Variants in PHC1 observed in about 807,000 individuals in gnomAD.
PHC1 encodes polyhomeotic-like protein 1.
A neutral mutation model predicts 104.3 loss-of-function variants in PHC1; 12 were observed. The ratio of observed to expected loss-of-function variants is 0.12; its 90% CI spans 0.07 to 0.19. The LOEUF is 0.19. Ranked by LOEUF, PHC1 falls within the 10% of genes least tolerant of loss-of-function variation. The pLI, the probability that PHC1 is intolerant of heterozygous loss-of-function variation, is 1.00. For missense variants in PHC1, 671 were observed against 1,200.0 expected (o/e 0.56, Z 6.51); for synonymous variants, 302 against 455.8 (o/e 0.66, Z 4.30).
At chr12:8,931,670 A>T (rs2137109165) in intron 7 of PHC1, among the ~76,000 whole-genome samples, 1 of 152,340 alleles carries the variant, frequency 6.6e-6, no homozygotes, top group South Asian at 2.1e-4. Flanking sequence ...ACTGCACTCC[A>T]GCCTGGGTGA....
At chr12:8,938,126 T>C (rs888129651) in intron 14 of PHC1, 66 bp downstream of exon 14, 1 of 1,066,080 alleles carries the variant, frequency 9.4e-7, no homozygotes, top group African/African-American at 1.6e-5. Context: ...GGGGCCTTGA[T>C]AAGAGGGAAA....
chr12:8,918,723 G>A (rs753561343), intron 2 of PHC1, among the ~76,000 whole-genome samples: 5 of 152,140 alleles, frequency 3.3e-5, no homozygotes, highest in African/African-American at 9.6e-5. Flanking sequence ...GCTCCCAATT[G>A]GAGAAACAAG....
chr12:8,931,334 C>G (rs1001765663), intron 7 of PHC1, among the ~76,000 whole-genome samples: 1 of 152,208 alleles, frequency 6.6e-6, no homozygotes, highest in Non-Finnish European at 1.5e-5. Context: ...GGGATGAATT[C>G]TCACCTCACT....
intron 8 of PHC1, 199 bp downstream of exon 8, chr12:8,933,549 C>G: frequency 1.3e-6 from 1 of 788,214 alleles, no homozygotes; most frequent in Non-Finnish European, 1.9e-6. Flanking sequence ...TGATACTATT[C>G]TGGGTTTTTG....
At position 8,932,110 on chromosome 12, in the gene PHC1, T is replaced by C. The variant is rs187224340; in HGVS notation, c.1106-453T>C. On this transcript the variant is annotated intron_variant, in intron 7 of 14. Coordinates refer to ENST00000544916, the MANE Select transcript of PHC1 (RefSeq NM_004426.3). ...TCTTTAACTCTGTGGGTATCTCTTC[T>C]TTCAGTGAATATTAAGTGCTTCTGC... is the stretch of plus-strand genomic sequence containing the variant. Among the ~76,000 whole-genome samples, 3 of 152,342 alleles carry C rather than the reference T, an allele frequency of 2.0e-5. No homozygotes were observed. The East Asian group carries it at 5.8e-4, about 29-fold the overall frequency.
intron 7 of PHC1, 150 bp from the exon 8 acceptor site, chr12:8,932,413 T>C (rs1945711945): frequency 1.4e-6 from 1 of 723,536 alleles, no homozygotes. Context: ...GACGAAGTGA[T>C]GTCCAAGTTT....
rs757767092 is a variant in PHC1, at chr12:8,939,783, C to T, written c.*324C>T. ...CCTTATCCTGGAGTGGAGCATTTAG[C>T]CCAGGTCTTAATTCTCCAAGAGGAG... On this transcript the variant is annotated 3_prime_UTR_variant, in exon 15 of 15. Transcript: ENST00000544916. 16 of 486,792 alleles carry T rather than the reference C, an allele frequency of 3.3e-5. No individual in the cohort carries two copies. Among genetic ancestry groups the T allele is most frequent in the African/African-American group, 3.1e-4 (16 of 51,900 alleles). 30.2% of individuals were successfully genotyped at this position (486,792 alleles called of 1,614,324 possible).
At chr12:8,925,661 G>A (rs1326951642) in intron 6 of PHC1, among the ~76,000 whole-genome samples, 1 of 152,162 alleles carries the variant, frequency 6.6e-6, no homozygotes, top group Non-Finnish European at 1.5e-5. Context: ...TATTCTTGGA[G>A]TTTGGCATAG....
At chr12:8,935,697 T>A (rs151196877) in intron 11 of PHC1, among the ~76,000 whole-genome samples, 120 of 152,270 alleles carry the variant, frequency 7.9e-4, no homozygotes, top group Admixed American at 2.1e-3. Flanking sequence ...GTATGTAGAA[T>A]CACGGAAAAG....
Position 8,932,586 on chromosome 12 carries a change from C to T in PHC1, c.1129C>T (p.His377Tyr). ...AGCCACCTACACACAGATCCAGCCC[C>T]ATTCACTGATTCAGCAACAGCAACA... ...SSATYTQIQPHSLIQQQQQIH... is the reference protein window; with the variant it reads ...SSATYTQIQPYSLIQQQQQIH... The change falls in exon 8 of 15, where the codon CAT (histidine) becomes TAT (tyrosine). Residue 377 changes from histidine to tyrosine, a missense_variant. His to Tyr is a moderately conservative substitution (Grantham distance 83). This residue lies in a region of PHC1 where 78 missense variants were observed against 140.8 expected (regional missense o/e 0.55). Coordinates refer to ENST00000544916, the MANE Select transcript of PHC1 (RefSeq NM_004426.3). 2 of 1,614,022 alleles carry T rather than the reference C, an allele frequency of 1.2e-6. No individual in the cohort carries two copies. The highest frequency in any genetic ancestry group is 1.7e-6 in the Non-Finnish European group (2 of 1,179,894).
Position 8,919,723 on chromosome 12 carries a change from C to A in PHC1, c.115-33C>A. 1.9e-6 allele frequency: 3 copies of A among 1,589,696 alleles called. No homozygotes were observed. In the South Asian group the frequency reaches 3.4e-5, roughly 18 times the overall value. ...ACATAGAATAGGAGCTAGGAGTGGT[C>A]CATTCTAAATGTTTTATCCTCTCTT... On this transcript the variant is annotated intron_variant, in intron 2 of 14. Transcript: ENST00000544916. This position sits in a 1 kb window ranked among gnomAD's most constrained non-coding sequence, Gnocchi z 4.9.
rs929846260 is a variant in PHC1, at chr12:8,914,614, C to G, written c.-262C>G. 1 of 150,820 alleles carries G rather than the reference C, an allele frequency of 6.6e-6. No individual in the cohort carries two copies. Among genetic ancestry groups the G allele is most frequent in the Admixed American group, 6.6e-5 (1 of 15,146 alleles). 9.3% of individuals were successfully genotyped at this position (150,820 alleles called of 1,614,324 possible). ...GGCCTGGCTGAGCCGCGGCCGGGCC[C>G]GCACCCGGAGCGGCGGGAGGGGCGG... On this transcript the variant is annotated 5_prime_UTR_variant, in exon 1 of 15. Transcript: ENST00000544916.
rs759537276 is a variant in PHC1, at chr12:8,921,652, G to A, written c.358G>A (p.Val120Met). 2.5e-6 allele frequency: 4 copies of A among 1,613,714 alleles called. No individual in the cohort carries two copies. Among genetic ancestry groups the A allele is most frequent in the East Asian group, 4.5e-5 (2 of 44,860 alleles). Residue 120 changes from valine (V) to methionine (M), a missense_variant, in exon 5 of 15, where the codon GTG becomes ATG. Transcript: ENST00000544916. ...CCAGCTCATCAGCCGATCCCAGAGT[G>A]TGAGCTCTCCCAGTGCTACCACCTT... ...AAQLISRSQS[V>M]SSPSATTLTQ...
At chr12:8,938,382 G>C (rs981284264) in intron 14 of PHC1, among the ~76,000 whole-genome samples, 1 of 151,878 alleles carries the variant, frequency 6.6e-6, no homozygotes, top group Non-Finnish European at 1.5e-5. Context: ...AGTGGAGCAG[G>C]GTATTAGAAA....
At chr12:8,937,624 T>C (rs748875361) in intron 13 of PHC1, among the ~76,000 whole-genome samples, 1 of 152,106 alleles carries the variant, frequency 6.6e-6, no homozygotes, top group South Asian at 2.1e-4. Flanking sequence ...AATTGTTAGG[T>C]CATGGGGAGA....
chr12:8,918,915 G>A (rs781095351), intron 2 of PHC1, among the ~76,000 whole-genome samples: 4 of 152,138 alleles, frequency 2.6e-5, no homozygotes, highest in Admixed American at 6.5e-5. Flanking sequence ...AGCCTACTCC[G>A]TACCTAGGTT....
intron 10 of PHC1, 77 bp downstream of exon 10, chr12:8,934,555 G>C: frequency 1.0e-6 from 1 of 990,944 alleles, no homozygotes; most frequent in Non-Finnish European, 1.5e-6. Context: ...TCCAGTAAAA[G>C]TAAAAGGCAC....
At chr12:8,927,616 G>T (rs997380334) in intron 6 of PHC1, among the ~76,000 whole-genome samples, 2 of 152,190 alleles carry the variant, frequency 1.3e-5, no homozygotes, top group Admixed American at 6.5e-5. Context: ...AAGAGGTGAA[G>T]AGTAGGAGGA....
In PHC1 at chr12:8,921,597, A is replaced by G. The variant is rs566784181; in HGVS notation, c.307-4A>G. On this transcript the variant is annotated splice_region_variant and splice_polypyrimidine_tract_variant and intron_variant, in intron 4 of 14. Transcript: ENST00000544916. ...TAGTCCTGGTTCCTTTCTGTACCACACAGATCAATCTGGCCACCACATCGG... is the reference window on the plus strand; with the variant it reads ...TAGTCCTGGTTCCTTTCTGTACCACGCAGATCAATCTGGCCACCACATCGG... 10 of 1,613,780 alleles carry G rather than the reference A, an allele frequency of 6.2e-6. No homozygotes were observed. Among genetic ancestry groups the G allele is most frequent in the Admixed American group, 1.7e-5 (1 of 59,938 alleles).
Sources: gnomAD v4.1 joint callset for allele counts (sites outside exome capture counted in the v4.1 genomes callset) on GRCh38, gnomAD v4.1.1 for gene constraint, gnomAD v4.1.1 regional missense constraint, Gnocchi (gnomAD v3.1) non-coding constraint, MANE v1.5 for transcripts, NCBI Gene and HGNC (gene_info 2026-07-23, HGNC 2026-07-21) for gene names.